Variants in UTS2 observed in about 807,000 individuals in gnomAD.
The protein encoded by UTS2 is urotensin-2.
UTS2 carries 10 observed loss-of-function variants against 12.6 expected under a neutral mutation model. The ratio of observed to expected loss-of-function variants is 0.80; its 90% CI spans 0.49 to 1.35. The LOEUF (loss-of-function observed/expected upper bound fraction) is 1.35, where lower values mean the gene tolerates loss of function less well. Ranked by LOEUF, UTS2 falls within the 40% of genes most tolerant of loss-of-function variation. UTS2 has a pLI of 0.00. For missense variants in UTS2, 142 were observed against 143.2 expected, an observed-to-expected ratio of 0.99 and a Z score of 0.04; for synonymous variants, 52 against 50.0, an observed-to-expected ratio of 1.04 and a Z score of -0.17.
At chr1:7,910,749 C>A in the UTS2 span, among the ~76,000 whole-genome samples, 433 of 152,224 alleles carry the variant, frequency 2.8e-3, no homozygotes, top group Non-Finnish European at 5.2e-3. Context: ...TTTTTTCAGA[C>A]AGGGACTTGC....
chr1:7,853,623 G>A (rs1638224556), upstream of UTS2: 2 of 603,040 alleles, frequency 3.3e-6, no homozygotes, highest in Admixed American at 7.0e-5. Flanking sequence ...CTCATGTGAA[G>A]CCGCAAGCAC....
upstream of UTS2, among the ~76,000 whole-genome samples, chr1:7,855,006 C>A (rs113458532): frequency 1.1e-3 from 162 of 151,672 alleles, no homozygotes; most frequent in African/African-American, 3.8e-3. Context: ...ACTAAAAATA[C>A]AAAAATTAGC....
At chr1:7,889,893 C>T in the UTS2 span, among the ~76,000 whole-genome samples, 2 of 151,938 alleles carry the variant, frequency 1.3e-5, no homozygotes, top group African/African-American at 4.8e-5. Flanking sequence ...AGTGAAACCC[C>T]GTCTCTATTA....
At chr1:7,860,464 A>G in the UTS2 span, among the ~76,000 whole-genome samples, 2 of 152,168 alleles carry the variant, frequency 1.3e-5, no homozygotes, top group African/African-American at 2.4e-5. Context: ...GCAGAAGGGC[A>G]GGTCACACAG....
chr1:7,906,512 G>GAA, the UTS2 span, among the ~76,000 whole-genome samples: 10 of 59,032 alleles, frequency 1.7e-4, no homozygotes, highest in Non-Finnish European at 4.1e-4. Context: ...AGAAAGAAAA[G>GAA]AGGGAGGGAG....
At chr1:7,894,100 T>C in the UTS2 span, among the ~76,000 whole-genome samples, 1 of 152,046 alleles carries the variant, frequency 6.6e-6, no homozygotes, top group African/African-American at 2.4e-5. Context: ...CCATCCACTG[T>C]TCTCTCTGGG....
chr1:7,876,589 C>G, the UTS2 span, among the ~76,000 whole-genome samples: 1 of 152,304 alleles, frequency 6.6e-6, no homozygotes, highest in African/African-American at 2.4e-5. Context: ...CCTACACCCA[C>G]TACCACTGGT....
At chr1:7,868,812 G>A in the UTS2 span, among the ~76,000 whole-genome samples, 1 of 152,216 alleles carries the variant, frequency 6.6e-6, no homozygotes, top group African/African-American at 2.4e-5. Context: ...ATTTGCAGGT[G>A]GGGCTGTTGG....
the UTS2 span, among the ~76,000 whole-genome samples, chr1:7,904,965 T>C: frequency 2.1e-5 from 3 of 139,890 alleles, no homozygotes; most frequent in Non-Finnish European, 4.6e-5. Context: ...ATTTAGTGAA[T>C]ACATGCATAT....
chr1:7,908,119 C>T, the UTS2 span, among the ~76,000 whole-genome samples: 1 of 151,868 alleles, frequency 6.6e-6, no homozygotes, highest in East Asian at 1.9e-4. Context: ...GCCAACATGA[C>T]GAATCCCCAT....
chr1:7,871,761 C>T, the UTS2 span, among the ~76,000 whole-genome samples: 2 of 152,062 alleles, frequency 1.3e-5, no homozygotes, highest in African/African-American at 4.8e-5. Flanking sequence ...TTTCATGTTA[C>T]TATTCGAATT....
At chr1:7,864,334 A>AGAAGCAGCCTCCAGGTCGG in the UTS2 span, among the ~76,000 whole-genome samples, 141 of 152,246 alleles carry the variant, frequency 9.3e-4, no homozygotes, top group African/African-American at 3.4e-3. Context: ...GCCGGACTAA[A>AGAAGCAGCCTCCAGGTCGG]GAAGCAGCCT....
At chr1:7,872,108 T>C in the UTS2 span, among the ~76,000 whole-genome samples, 12 of 151,994 alleles carry the variant, frequency 7.9e-5, no homozygotes, top group Admixed American at 2.6e-4. Context: ...GAGACCATCC[T>C]GGCTAACATG....
chr1:7,905,388 C>T, the UTS2 span, among the ~76,000 whole-genome samples: 1 of 145,580 alleles, frequency 6.9e-6, no homozygotes, highest in Non-Finnish European at 1.5e-5. Context: ...CAGGTGATGC[C>T]CCTGCCTCGG....
chr1:7,885,311 G>T, the UTS2 span, among the ~76,000 whole-genome samples: 1 of 152,158 alleles, frequency 6.6e-6, no homozygotes, highest in African/African-American at 2.4e-5. Context: ...GTAACCACAG[G>T]GCAGCCTTGG....
chr1:7,853,100 C>T (rs2097415855), upstream of UTS2: 4 of 1,504,524 alleles, frequency 2.7e-6, no homozygotes, highest in South Asian at 4.2e-5. Context: ...TATATATCAT[C>T]CTATGACCTG....
intron 3 of UTS2, 92 bp downstream of exon 3, chr1:7,849,548 G>T: frequency 1.7e-6 from 2 of 1,175,668 alleles, no homozygotes; most frequent in Non-Finnish European, 2.4e-6. Flanking sequence ...TTTCCACCAA[G>T]AACACTCCTC....
the UTS2 span, among the ~76,000 whole-genome samples, chr1:7,862,983 G>GTAT: frequency 1.3e-4 from 3 of 22,530 alleles, no homozygotes; most frequent in African/African-American, 7.0e-4. Context: ...GTTATTTATT[G>GTAT]TGTTGTGTTG....
the UTS2 span, among the ~76,000 whole-genome samples, chr1:7,901,604 C>CTG: frequency 1.6e-5 from 2 of 122,018 alleles, no homozygotes; most frequent in South Asian, 2.5e-4. Flanking sequence ...ATATATTCAT[C>CTG]TATGTGTGTG....
Sources: gnomAD v4.1 joint callset for allele counts (sites outside exome capture counted in the v4.1 genomes callset) on GRCh38, gnomAD v4.1.1 for gene constraint, MANE v1.5 for transcripts, NCBI Gene and HGNC (gene_info 2026-07-23, HGNC 2026-07-21) for gene names.